Variants in TIGD2 observed in about 807,000 individuals in gnomAD.
TIGD2 encodes tigger transposable element-derived protein 2.
Under a neutral mutation model 27.0 loss-of-function variants are expected in TIGD2, and 14 were observed. That is an observed-to-expected ratio of 0.52 (90% CI 0.34 to 0.81). The LOEUF (loss-of-function observed/expected upper bound fraction) is 0.81, where lower values mean the gene tolerates loss of function less well. TIGD2 is among the 30% of genes least tolerant of loss of function. The pLI is 0.01. For synonymous variants in TIGD2, 201 were observed against 209.0 expected (o/e 0.96, Z 0.33); for missense variants, 590 against 617.3 (o/e 0.96, Z 0.47).
Position 89,113,718 on chromosome 4 carries a change from A to G in TIGD2, c.744A>G (p.Thr248=), listed in dbSNP as rs764283186. Residue 248 remains threonine (T), a synonymous_variant, in exon 2 of 2, where the codon ACA becomes ACG. Transcript: ENST00000603357. ...CTGACCTTTCAAACCTTCCTGTGAC[A>G]TATTACAGTCAAAAAGGTGCATGGA... ...KGTDLSNLPV[T]YYSQKGAWIE... The G allele has an allele frequency of 5.0e-6, 8 of 1,614,104 alleles. No individual in the cohort carries two copies. In the East Asian group the frequency reaches 1.1e-4, roughly 22 times the overall value.
rs368547018 is a variant in TIGD2, at chr4:89,114,524, A to G, written c.1550A>G (p.Gln517Arg). Residue 517 changes from glutamine (Q) to arginine (R), a missense_variant, in exon 2 of 2, where the codon CAG (glutamine) becomes CGG (arginine). Around this residue, in one of 3 missense-constraint regions of TIGD2, gnomAD observed 451 missense variants for 448.0 expected, o/e 1.01. Transcript: ENST00000603357. ...RRLRTIIRKK[Q>R]KIQNNKNH ...CTTCGGACCATAATAAGAAAAAAAC[A>G]GAAGATCCAAAATAACAAAAATCAT... 42 of 1,585,170 alleles carry G rather than the reference A, an allele frequency of 2.6e-5. No individual in the cohort carries two copies. The East Asian group carries it at 3.2e-4, about 12-fold the overall frequency.
At position 89,113,076 on chromosome 4, in the gene TIGD2, G is replaced by T. The variant is rs529251170; in HGVS notation, c.102G>T (p.Val34=). 1 of 1,613,778 alleles carries T rather than the reference G, an allele frequency of 6.2e-7. No individual in the cohort carries two copies. The highest frequency in any genetic ancestry group is 1.1e-5 in the South Asian group (1 of 90,912). ...TCTCTTTCAAAAAACTTTCCGTGGTGTACGGAATTGGTGAATCCACAGTTC... is the reference window on the plus strand; with the variant it reads ...TCTCTTTCAAAAAACTTTCCGTGGTTTACGGAATTGGTGAATCCACAGTTC... ...EGISFKKLSV[V]YGIGESTVRD... Residue 34 remains valine, a synonymous_variant, in exon 2 of 2, where the codon GTG becomes GTT. Coordinates refer to ENST00000603357, the MANE Select transcript of TIGD2 (RefSeq NM_145715.3).
chr4:89,113,886 T>G lies in TIGD2; in HGVS notation c.912T>G (p.Ser304Arg). The G allele has an allele frequency of 1.2e-6, 2 of 1,614,190 alleles. No homozygotes were observed. The highest frequency in any genetic ancestry group is 1.7e-6 in the Non-Finnish European group (2 of 1,180,036). The change falls in exon 2 of 2, where the codon AGT (serine) becomes AGG (arginine). Residue 304 changes from serine to arginine, a missense_variant. By Grantham distance (110) the Ser-to-Arg change is moderately radical. Coordinates refer to ENST00000603357, the MANE Select transcript of TIGD2 (RefSeq NM_145715.3). ...CACGTCCAAATGAAGAAATGTTGAG[T>G]TCAGATGATGGCAGAATAATTGTGA... is the stretch of plus-strand genomic sequence containing the variant. The part of the protein sequence containing the change: ...PPARPNEEML[S>R]SDDGRIIVKY...
rs768330861 is a variant in TIGD2, at chr4:89,114,206, C to T, written c.1232C>T (p.Ala411Val). 1.9e-6 allele frequency: 3 copies of T among 1,614,114 alleles called. No homozygotes were observed. Among genetic ancestry groups the T allele is most frequent in the Non-Finnish European group, 2.5e-6 (3 of 1,180,028 alleles). ...DEGAILAANLATVLQNTEECE... is the reference protein window; with the variant it reads ...DEGAILAANLVTVLQNTEECE... ...GGAGCCATTTTAGCAGCTAATTTAG[C>T]AACAGTTTTACAGAACACAGAAGAA... is the stretch of plus-strand genomic sequence containing the variant. The change falls in exon 2 of 2, where the codon GCA (alanine) becomes GTA (valine). Residue 411 changes from alanine (A) to valine (V), a missense_variant. Physicochemically the swap from Ala to Val is moderately conservative, Grantham distance 64. This residue lies in a region of TIGD2 where 451 missense variants were observed against 448.0 expected (regional missense o/e 1.01). Coordinates refer to ENST00000603357, the MANE Select transcript of TIGD2 (RefSeq NM_145715.3).
rs1428505498 is a variant in TIGD2 at position 89,113,548 on chromosome 4, ACT to A, written c.577_578del (p.Leu193Ter). 1 of 1,614,036 alleles carries A rather than the reference ACT, an allele frequency of 6.2e-7. No individual in the cohort carries two copies. The highest frequency in any genetic ancestry group is 1.3e-5 in the African/African-American group (1 of 74,900). ...GAAATGTCTACCATCAAGGACATTAACTCTTGAAACTGACCAAAGTACTTCTG... is the reference window on the plus strand; with the variant it reads ...GAAATGTCTACCATCAAGGACATTAACTTGAAACTGACCAAAGTACTTCTG... ...FWKCLPSRTLTLETDQSTSGC... is the reference protein window; with the variant it reads ...FWKCLPSRTLXLETDQSTSGC... On this transcript the variant is annotated frameshift_variant, in exon 2 of 2. Transcript: ENST00000603357. LOFTEE classifies it high-confidence loss of function.
Position 89,113,110 on chromosome 4 carries a change from A to T in TIGD2, c.136A>T (p.Lys46Ter). The change falls in exon 2 of 2, where the codon AAA becomes TAA. Residue 46 changes from lysine (K) to a stop codon, truncating the protein, a stop_gained. Coordinates refer to ENST00000603357, the MANE Select transcript of TIGD2 (RefSeq NM_145715.3). LOFTEE classifies it low-confidence loss of function (END_TRUNC). ...TGGTGAATCCACAGTTCGTGATATT[A>T]AAAAGAACAAAGAAAGGATTATAAA... ...GIGESTVRDI[K>*]KNKERIINYA... 1 of 1,614,044 alleles carries T rather than the reference A, an allele frequency of 6.2e-7. No homozygotes were observed. The highest frequency in any genetic ancestry group is 8.5e-7 in the Non-Finnish European group (1 of 1,179,994).
Position 89,113,148 on chromosome 4 carries a change from T to C in TIGD2, c.174T>C (p.Ser58=). ...NKERIINYAN[S]SDPTSGVSKR... is the part of the protein sequence containing the mutation. ...AAAGGATTATAAACTATGCAAACAG[T>C]TCAGATCCTACCAGTGGAGTATCCA... is the stretch of plus-strand genomic sequence containing the variant. Residue 58 remains serine, a synonymous_variant, in exon 2 of 2, where the codon AGT becomes AGC. Transcript: ENST00000603357. The C allele has an allele frequency of 6.2e-7, 1 of 1,614,074 alleles. No individual in the cohort carries two copies. The highest frequency in any genetic ancestry group is 8.5e-7 in the Non-Finnish European group (1 of 1,180,018).
chr4:89,111,340 G>T (rs1721045379), upstream of TIGD2: 1 of 539,028 alleles, frequency 1.9e-6, no homozygotes, highest in Non-Finnish European at 2.4e-6. Flanking sequence ...CTGCCGGCCA[G>T]GGAGGCACTG....
At position 89,114,001 on chromosome 4, in the gene TIGD2, C is replaced by T. The variant is rs370202366; in HGVS notation, c.1027C>T (p.Leu343Phe). The T allele has an allele frequency of 1.7e-5, 27 of 1,614,036 alleles. No individual in the cohort carries two copies. Among genetic ancestry groups the T allele is most frequent in the Non-Finnish European group, 2.3e-5 (27 of 1,180,010 alleles). ...TVKRYYRAGLLQKYMDEGNDP... is the reference protein window; with the variant it reads ...TVKRYYRAGLFQKYMDEGNDP... ...AAAAAGATACTATCGAGCAGGACTT[C>T]TCCAGAAATACATGGATGAAGGAAA... The change falls in exon 2 of 2, where the codon CTC (leucine) becomes TTC (phenylalanine). Residue 343 changes from leucine to phenylalanine, a missense_variant. Coordinates refer to ENST00000603357, the MANE Select transcript of TIGD2 (RefSeq NM_145715.3).
At chr4:89,111,331 T>C (rs911771454), upstream of TIGD2, 7 of 615,042 alleles carry the variant, frequency 1.1e-5, no homozygotes, top group African/African-American at 1.2e-4. Flanking sequence ...TGCCTCCCCC[T>C]GCCGGCCAGG....
rs1036438695 is a variant in TIGD2 at position 89,113,588 on chromosome 4, G to A, written c.614G>A (p.Ser205Asn). The change falls in exon 2 of 2, where the codon AGC (serine) becomes AAC (asparagine). Residue 205 changes from serine (S) to asparagine (N), a missense_variant. Coordinates refer to ENST00000603357, the MANE Select transcript of TIGD2 (RefSeq NM_145715.3). ...CAAAGTACTTCTGGGTGTAGGTCAA[G>A]CAGAGAGAGAATCATCATTATGTGT... ...TDQSTSGCRSSRERIIIMCCA... is the reference protein window; with the variant it reads ...TDQSTSGCRSNRERIIIMCCA... 4 of 1,614,012 alleles carry A rather than the reference G, an allele frequency of 2.5e-6. No homozygotes were observed. In the African/African-American group the frequency reaches 5.3e-5, roughly 22 times the overall value.
chr4:89,112,845 G>C lies in TIGD2; in HGVS notation c.-130G>C, dbSNP rs947203917. 1.2e-5 allele frequency: 9 copies of C among 738,380 alleles called. No homozygotes were observed. The highest frequency in any genetic ancestry group is 1.8e-5 in the African/African-American group (1 of 55,662). The allele number at this position is 738,380 out of a possible 1,614,324, so 45.7% of individuals were successfully genotyped here. ...TCACGTAGACCTTGTCAGGAAATTGGTCACTATCCATCTAGGCCCTAGAAG... is the reference window on the plus strand; with the variant it reads ...TCACGTAGACCTTGTCAGGAAATTGCTCACTATCCATCTAGGCCCTAGAAG... On this transcript the variant is annotated 5_prime_UTR_variant, in exon 2 of 2. Coordinates refer to ENST00000603357, the MANE Select transcript of TIGD2 (RefSeq NM_145715.3).
rs1486808121 is a variant in TIGD2, at chr4:89,113,469, A to G, written c.495A>G (p.Lys165=). Residue 165 remains lysine (K), a synonymous_variant, in exon 2 of 2, where the codon AAA becomes AAG. Transcript: ENST00000603357. Reference sequence around the variant, plus strand: ...GTAGCTTTCAGGAATTTGTTGAAAAAGAGAATCTACAACCAGAGCAAATTT... The same window carrying G: ...GTAGCTTTCAGGAATTTGTTGAAAAGGAGAATCTACAACCAGAGCAAATTT... ...FCGSFQEFVE[K]ENLQPEQIYG... is the part of the protein sequence containing the mutation. The G allele has an allele frequency of 1.9e-6, 3 of 1,613,906 alleles. No homozygotes were observed. The highest frequency in any genetic ancestry group is 2.5e-6 in the Non-Finnish European group (3 of 1,179,900).
At position 89,113,764 on chromosome 4, in the gene TIGD2, C is replaced by G. The variant is rs778555340; in HGVS notation, c.790C>G (p.Gln264Glu). The change falls in exon 2 of 2, where the codon CAG becomes GAG. Residue 264 changes from glutamine (Q) to glutamate (E), a missense_variant. Coordinates refer to ENST00000603357, the MANE Select transcript of TIGD2 (RefSeq NM_145715.3). Reference sequence around the variant, plus strand: ...ATGGATAGAACAGTCTGTTTTCAGACAGTGGTTTGAAAAGTACTTTGTGCC... The same window carrying G: ...ATGGATAGAACAGTCTGTTTTCAGAGAGTGGTTTGAAAAGTACTTTGTGCC... ...GAWIEQSVFR[Q>E]WFEKYFVPQV... The G allele has an allele frequency of 2.5e-6, 4 of 1,614,178 alleles. No individual in the cohort carries two copies. The highest frequency in any genetic ancestry group is 3.4e-6 in the Non-Finnish European group (4 of 1,180,042).
chr4:89,111,374 G>T, upstream of TIGD2: 1 of 274,666 alleles, frequency 3.6e-6, no homozygotes, highest in Non-Finnish European at 5.6e-6. Flanking sequence ...GCCAGGCGGT[G>T]AGTGGAACCC....
In TIGD2 at chr4:89,112,766, T is replaced by G; in HGVS notation, c.-209T>G. On this transcript the variant is annotated 5_prime_UTR_variant, in exon 2 of 2. Coordinates refer to ENST00000603357, the MANE Select transcript of TIGD2 (RefSeq NM_145715.3). ...AAGAAAGATAGAAGATAAGAGTTAA[T>G]TGGCGCTAGGCTTTGTTGTAGGAAG... is the stretch of plus-strand genomic sequence containing the variant. 2.0e-6 allele frequency: 1 copy of G among 499,440 alleles called. No homozygotes were observed. The highest frequency in any genetic ancestry group is 3.5e-6 in the Non-Finnish European group (1 of 286,570). 30.9% of individuals were successfully genotyped at this position (499,440 alleles called of 1,614,324 possible). A position where few individuals can be genotyped will look rare whatever the true frequency, so the allele number is the denominator to read the frequency against.
In TIGD2 at chr4:89,112,931, A is replaced by G. The variant is rs370094458; in HGVS notation, c.-44A>G. ...GCTTTGTATTCAAATCTTAGTTGTTAATTATCTTGTTCTAGTAATCACCTA... is the reference window on the plus strand; with the variant it reads ...GCTTTGTATTCAAATCTTAGTTGTTGATTATCTTGTTCTAGTAATCACCTA... On this transcript the variant is annotated 5_prime_UTR_variant, in exon 2 of 2. Coordinates refer to ENST00000603357, the MANE Select transcript of TIGD2 (RefSeq NM_145715.3). The G allele has an allele frequency of 2.0e-4, 297 of 1,459,508 alleles. No homozygotes were observed. In the African/African-American group the frequency reaches 3.8e-3, roughly 19 times the overall value. The allele number at this position is 1,459,508 out of a possible 1,614,324, so 90.4% of individuals were successfully genotyped here. A position where few individuals can be genotyped will look rare whatever the true frequency, so the allele number is the denominator to read the frequency against.
At position 89,113,031 on chromosome 4, in the gene TIGD2, T is replaced by G. The variant is rs761524388; in HGVS notation, c.57T>G (p.Ile19Met). The G allele has an allele frequency of 6.2e-7, 1 of 1,610,716 alleles. No individual in the cohort carries two copies. The change falls in exon 2 of 2, where the codon ATT becomes ATG. Residue 19 changes from isoleucine to methionine, a missense_variant. Coordinates refer to ENST00000603357, the MANE Select transcript of TIGD2 (RefSeq NM_145715.3). ...VLTIKDKLDI[I>M]KKLEEGISFK... Reference sequence around the variant, plus strand: ...CAATTAAGGACAAGCTTGACATTATTAAGAAACTTGAGGAAGGCATCTCTT... The same window carrying G: ...CAATTAAGGACAAGCTTGACATTATGAAGAAACTTGAGGAAGGCATCTCTT...
Position 89,113,692 on chromosome 4 carries a change from ACT to A in TIGD2, c.719_720del (p.Thr240ArgfsTer27). ...CAAAAAGCCCCGAGCATTCAAAGGC[ACT>A]GACCTTTCAAACCTTCCTGTGACAT... ...KAKKPRAFKG[T>X]DLSNLPVTYY... On this transcript the variant is annotated frameshift_variant, in exon 2 of 2. Coordinates refer to ENST00000603357, the MANE Select transcript of TIGD2 (RefSeq NM_145715.3). LOFTEE classifies it high-confidence loss of function. 1 of 1,614,218 alleles carries A rather than the reference ACT, an allele frequency of 6.2e-7. No individual in the cohort carries two copies. Among genetic ancestry groups the A allele is most frequent in the Non-Finnish European group, 8.5e-7 (1 of 1,180,038 alleles).
Sources: gnomAD v4.1 joint callset for allele counts on GRCh38, gnomAD v4.1.1 for gene constraint, gnomAD v4.1.1 regional missense constraint, MANE v1.5 for transcripts, NCBI Gene and HGNC (gene_info 2026-07-23, HGNC 2026-07-21) for gene names.